Variants in DCLRE1C observed in about 807,000 individuals in gnomAD.
The protein encoded by DCLRE1C is protein artemis.
In DCLRE1C, 47 loss-of-function variants were observed where a neutral mutation model predicts 61.4. That is an observed-to-expected ratio of 0.77 (90% CI 0.61 to 0.98). The LOEUF is 0.98. Among genes scored for constraint, DCLRE1C ranks in the 50% least tolerant of loss-of-function variants. DCLRE1C has a pLI of 0.00. For missense variants in DCLRE1C, 858 were observed against 816.0 expected (o/e 1.05, Z -0.63); for synonymous variants, 337 against 287.6 (o/e 1.17, Z -1.74).
At chr10:14,946,364 G>A (rs536770520) in intron 2 of DCLRE1C, among the ~76,000 whole-genome samples, 21 of 152,152 alleles carry the variant, frequency 1.4e-4, no homozygotes, top group East Asian at 5.8e-4. Flanking sequence ...TATAGTCTAC[G>A]GTAGATTGTA....
upstream of DCLRE1C, chr10:14,954,230 C>A: frequency 1.5e-6 from 1 of 686,154 alleles, no homozygotes. Flanking sequence ...ACCCGCGCTT[C>A]GCTGCACGCG....
At chr10:14,946,286 G>T (rs1166026235) in intron 2 of DCLRE1C, among the ~76,000 whole-genome samples, 1 of 152,084 alleles carries the variant, frequency 6.6e-6, no homozygotes, top group Non-Finnish European at 1.5e-5. Flanking sequence ...GGGATTACAG[G>T]CATGAGCCAC....
intron 1 of DCLRE1C, among the ~76,000 whole-genome samples, chr10:14,950,067 G>A (rs1266945882): frequency 2.8e-5 from 4 of 145,068 alleles, no homozygotes; most frequent in Middle Eastern, 4.5e-3. Flanking sequence ...ACGGCTGGGC[G>A]CGGTGGCTCA....
rs942832147 is a variant in DCLRE1C at position 14,907,571 on chromosome 10, A to C, written c.*837T>G. Among the ~76,000 whole-genome samples, 1 of 152,020 alleles carries C rather than the reference A, an allele frequency of 6.6e-6. No individual in the cohort carries two copies. The highest frequency in any genetic ancestry group is 6.6e-5 in the Admixed American group (1 of 15,256). On this transcript the variant is annotated 3_prime_UTR_variant, in exon 14 of 14. Transcript: ENST00000378278. ...CTTTTCAGCTGTTCTAGCTTCATAA[A>C]TTTTTGGAGCTGTTAGGTGCATATA...
At chr10:14,917,253 AATG>A (rs1440515308) in intron 13 of DCLRE1C, among the ~76,000 whole-genome samples, 1 of 152,324 alleles carries the variant, frequency 6.6e-6, no homozygotes, top group East Asian at 1.9e-4. Context: ...TAAAAACAAA[AATG>A]AATCACAGAT....
intron 4 of DCLRE1C, 54 bp from the exon 5 acceptor site, chr10:14,936,647 T>C: frequency 7.7e-7 from 1 of 1,298,566 alleles, no homozygotes; most frequent in Non-Finnish European, 1.1e-6. Context: ...CATTAGGACC[T>C]AGCTCAACAA....
intron 13 of DCLRE1C, among the ~76,000 whole-genome samples, chr10:14,917,959 G>C (rs893940656): frequency 6.6e-6 from 1 of 152,132 alleles, no homozygotes; most frequent in African/African-American, 2.4e-5. Context: ...AAACCACAAA[G>C]AGCTATCACT....
At chr10:14,940,722 C>T (rs1170252306) in intron 3 of DCLRE1C, among the ~76,000 whole-genome samples, 2 of 152,130 alleles carry the variant, frequency 1.3e-5, no homozygotes, top group African/African-American at 4.8e-5. Flanking sequence ...CCTTTTTAGT[C>T]CACTAATGTC....
At chr10:14,944,983 A>G in intron 3 of DCLRE1C, 122 bp downstream of exon 3, 1 of 720,306 alleles carries the variant, frequency 1.4e-6, no homozygotes, top group East Asian at 3.3e-5. Context: ...CCAGAGACTC[A>G]ATATTCTAAT....
intron 3 of DCLRE1C, among the ~76,000 whole-genome samples, chr10:14,940,730 G>A (rs997777617): frequency 7.2e-5 from 11 of 152,156 alleles, no homozygotes; most frequent in African/African-American, 2.4e-4. Flanking sequence ...GTCCACTAAT[G>A]TCCTAAAACT....
downstream of DCLRE1C, among the ~76,000 whole-genome samples, chr10:14,904,537 C>T (rs1231087139): frequency 6.6e-6 from 1 of 151,846 alleles, no homozygotes; most frequent in African/African-American, 2.4e-5. Flanking sequence ...GTTATTTGAT[C>T]TTGTCCACTT....
chr10:14,909,451 G>C (rs769421022), intron 13 of DCLRE1C, 121 bp from the exon 14 acceptor site: 2 of 837,898 alleles, frequency 2.4e-6, no homozygotes, highest in African/African-American at 3.5e-5. Flanking sequence ...TCTTCAAAGG[G>C]AAAAGATATT....
chr10:14,908,233 C>T lies in DCLRE1C; in HGVS notation c.*175G>A. 1 of 455,850 alleles carries T rather than the reference C, an allele frequency of 2.2e-6. No individual in the cohort carries two copies. The highest frequency in any genetic ancestry group is 2.1e-5 in the South Asian group (1 of 47,908). The allele number at this position is 455,850 out of a possible 1,614,324, so 28.2% of individuals were successfully genotyped here. On this transcript the variant is annotated 3_prime_UTR_variant, in exon 14 of 14. Transcript: ENST00000378278. ...CTGTGTTGGCCAGGCTGGTGTCGAACTCCTGGGCTCAAGCCATTGCCCACC... is the reference window on the plus strand; with the variant it reads ...CTGTGTTGGCCAGGCTGGTGTCGAATTCCTGGGCTCAAGCCATTGCCCACC...
In DCLRE1C at chr10:14,935,507, C is replaced by T. The variant is rs146832860; in HGVS notation, c.420G>A (p.Ala140=). The T allele has an allele frequency of 1.0e-4, 166 of 1,614,054 alleles. No individual in the cohort carries two copies. The East Asian group carries it at 2.5e-3, about 24-fold the overall frequency. Residue 140 remains alanine, a synonymous_variant, in exon 6 of 14, where the codon GCG becomes GCA. Transcript: ENST00000378278. ...TVLYTGDFRL[A]QGEAARMELL... is the part of the protein sequence containing the mutation. ...GCTCCATTCTAGCAGCTTCTCCTTG[C>T]GCCAATCTGAAGTCTCCTGTGTACA...
At chr10:14,918,001 G>C (rs1836483621) in intron 13 of DCLRE1C, among the ~76,000 whole-genome samples, 1 of 152,178 alleles carries the variant, frequency 6.6e-6, no homozygotes, top group South Asian at 2.1e-4. Context: ...AAATTAAAAA[G>C]TCTAACCATA....
At position 14,908,266 on chromosome 10, in the gene DCLRE1C, G is replaced by A. The variant is rs1253004831; in HGVS notation, c.*142C>T. On this transcript the variant is annotated 3_prime_UTR_variant, in exon 14 of 14. Coordinates refer to ENST00000378278, the MANE Select transcript of DCLRE1C (RefSeq NM_001033855.3). ...CTCAAGCCATTGCCCACCTCAAAGTGCTGGGATTACAAGTGTGAGCCACCA... is the reference window on the plus strand; with the variant it reads ...CTCAAGCCATTGCCCACCTCAAAGTACTGGGATTACAAGTGTGAGCCACCA... The A allele has an allele frequency of 2.1e-5, 14 of 678,540 alleles. No homozygotes were observed. The East Asian group carries it at 3.2e-4, about 15-fold the overall frequency. 42.0% of individuals were successfully genotyped at this position (678,540 alleles called of 1,614,324 possible).
intron 12 of DCLRE1C, among the ~76,000 whole-genome samples, chr10:14,922,373 G>A (rs1837262073): frequency 6.6e-6 from 1 of 151,818 alleles, no homozygotes; most frequent in Non-Finnish European, 1.5e-5. Flanking sequence ...CCCAGGAGGT[G>A]GAGGTTGCAG....
chr10:14,944,243 T>TTGGAACCAAGTGGG, intron 3 of DCLRE1C, among the ~76,000 whole-genome samples: 1 of 152,160 alleles, frequency 6.6e-6, no homozygotes, highest in Non-Finnish European at 1.5e-5. Flanking sequence ...GTGGATCCAC[T>TTGGAACCAAGTGGG]TGGAACCAAG....
At chr10:14,901,543 G>GTTTTTT (rs746052665), downstream of DCLRE1C, among the ~76,000 whole-genome samples, 1 of 146,390 alleles carries the variant, frequency 6.8e-6, no homozygotes. Context: ...TGTACTACTT[G>GTTTTTT]TCTTTTTTTT....
Sources: gnomAD v4.1 joint callset for allele counts (sites outside exome capture counted in the v4.1 genomes callset) on GRCh38, gnomAD v4.1.1 for gene constraint, MANE v1.5 for transcripts, NCBI Gene and HGNC (gene_info 2026-07-23, HGNC 2026-07-21) for gene names.